The following C14orf132 variants were observed in gnomAD, a reference collection of about 807,000 sequenced individuals.
C14orf132 encodes the protein uncharacterized protein C14orf132.
A neutral mutation model predicts 5.8 loss-of-function variants in C14orf132; 6 were observed. The observed-to-expected ratio is 1.03, with a 90% CI of 0.57 to 2.04. The LOEUF is 2.04. Among genes scored for constraint, C14orf132 ranks in the 30% most tolerant of loss-of-function variants. The probability of loss-of-function intolerance (pLI) is 0.00; values close to 1 mark genes in which losing one functional copy is unlikely to be tolerated. For synonymous variants in C14orf132, 51 were observed against 49.8 expected (o/e 1.02, Z -0.10); for missense variants, 125 against 115.8 (o/e 1.08, Z -0.37).
At chr14:96,046,455 G>T (rs971793796) in intron 1 of C14orf132, among the ~76,000 whole-genome samples, 2 of 152,182 alleles carry the variant, frequency 1.3e-5, no homozygotes, top group African/African-American at 4.8e-5. Context: ...AAGGAGGTAG[G>T]CCATGGCTTT....
At chr14:96,075,482 C>T (rs6575569) in intron 1 of C14orf132, among the ~76,000 whole-genome samples, 83,401 of 151,978 alleles carry the variant, frequency 0.55, 23,453 homozygotes, top group East Asian at 0.9. Context: ...GTTAGACATC[C>T]TCTCGTATTC....
At chr14:96,063,244 C>T (rs1446933162) in intron 1 of C14orf132, among the ~76,000 whole-genome samples, 1 of 152,038 alleles carries the variant, frequency 6.6e-6, no homozygotes, top group Non-Finnish European at 1.5e-5. Flanking sequence ...ATGGAGGTTC[C>T]GTATAAGAAC....
At chr14:96,058,928 A>G (rs1397839512) in intron 1 of C14orf132, among the ~76,000 whole-genome samples, 1 of 152,228 alleles carries the variant, frequency 6.6e-6, no homozygotes, top group Non-Finnish European at 1.5e-5. Flanking sequence ...CGAGAAAGTC[A>G]TGACTGAGCC....
At chr14:96,054,372 T>C (rs528777855) in intron 1 of C14orf132, among the ~76,000 whole-genome samples, 61 of 152,304 alleles carry the variant, frequency 4.0e-4, no homozygotes, top group African/African-American at 1.4e-3. Flanking sequence ...TATGATACGT[T>C]GCCACAAGCC....
chr14:96,063,868 T>G (rs769270390), intron 1 of C14orf132, among the ~76,000 whole-genome samples: 1 of 151,170 alleles, frequency 6.6e-6, no homozygotes, highest in African/African-American at 2.4e-5. Context: ...ATCAAACAAA[T>G]CAGTAATAAA....
At chr14:96,081,997 C>T (rs377689514) in intron 1 of C14orf132, among the ~76,000 whole-genome samples, 54 of 152,288 alleles carry the variant, frequency 3.5e-4, no homozygotes, top group African/African-American at 1.2e-3. Context: ...CCAGGTCACC[C>T]TGTGTTGTCC....
At chr14:96,059,263 C>T (rs555151347) in intron 1 of C14orf132, among the ~76,000 whole-genome samples, 17 of 152,210 alleles carry the variant, frequency 1.1e-4, no homozygotes, top group African/African-American at 2.2e-4. Flanking sequence ...CCAGCCTAGG[C>T]GACAGAATGA....
At chr14:96,079,290 A>G (rs1887964089) in intron 1 of C14orf132, among the ~76,000 whole-genome samples, 1 of 152,202 alleles carries the variant, frequency 6.6e-6, no homozygotes, top group Non-Finnish European at 1.5e-5. Flanking sequence ...TTGGATGGTT[A>G]GTCACTTGCC....
intron 1 of C14orf132, among the ~76,000 whole-genome samples, chr14:96,053,859 A>G (rs1018703826): frequency 6.6e-6 from 1 of 152,206 alleles, no homozygotes; most frequent in African/African-American, 2.4e-5. Context: ...GGAGCACTCC[A>G]GGGAGTCAAG....
At chr14:96,073,151 T>C (rs925068488) in intron 1 of C14orf132, among the ~76,000 whole-genome samples, 1 of 67,318 alleles carries the variant, frequency 1.5e-5, no homozygotes, top group Admixed American at 1.3e-4. Context: ...GAACATCAGG[T>C]TTTTTTTTTA....
At chr14:96,064,369 C>CAT (rs1255125768) in intron 1 of C14orf132, among the ~76,000 whole-genome samples, 57 of 147,582 alleles carry the variant, frequency 3.9e-4, no homozygotes, top group African/African-American at 1.4e-3. Flanking sequence ...TATATACACA[C>CAT]ACACACACAC....
chr14:96,088,882 G>C lies in C14orf132; in HGVS notation c.*2147G>C, dbSNP rs45528638. On this transcript the variant is annotated 3_prime_UTR_variant, in exon 2 of 2. Coordinates refer to ENST00000555004, the MANE Select transcript of C14orf132 (RefSeq NM_001252507.3). ...AGAGGACTCCAGCATCCCAGGCACC[G>C]GGTGCTTCTGGCTGCAGTTTTCCCT... 0.063 allele frequency: 9,609 copies of C among 152,404 alleles called. 304 individuals are homozygous for C. Among genetic ancestry groups the C allele is most frequent in the African/African-American group, 0.078 (3,257 of 41,586 alleles). 9.4% of individuals were successfully genotyped at this position (152,404 alleles called of 1,614,324 possible).
chr14:96,071,709 C>T (rs946187801), intron 1 of C14orf132, among the ~76,000 whole-genome samples: 4 of 152,184 alleles, frequency 2.6e-5, no homozygotes, highest in Admixed American at 6.5e-5. Context: ...CACTCAACCT[C>T]GGGAAGCTGG....
chr14:96,084,832 G>A (rs1471892937), intron 1 of C14orf132, among the ~76,000 whole-genome samples: 1 of 152,160 alleles, frequency 6.6e-6, no homozygotes, highest in African/African-American at 2.4e-5. Flanking sequence ...TAGGAATATA[G>A]GTGCCGAGTG....
At chr14:96,069,189 ATATATG>A in intron 1 of C14orf132, among the ~76,000 whole-genome samples, 1 of 143,342 alleles carries the variant, frequency 7.0e-6, no homozygotes, top group African/African-American at 2.6e-5. Context: ...GTATATATAT[ATATATG>A]TATATATGTT....
intron 1 of C14orf132, among the ~76,000 whole-genome samples, chr14:96,056,780 C>A (rs1048272384): frequency 1.3e-5 from 2 of 152,124 alleles, no homozygotes; most frequent in Non-Finnish European, 2.9e-5. Flanking sequence ...GAGTTGCAGT[C>A]AGAAAACCCC....
intron 1 of C14orf132, among the ~76,000 whole-genome samples, chr14:96,045,979 C>T (rs568089162): frequency 2.0e-5 from 3 of 152,302 alleles, no homozygotes; most frequent in African/African-American, 7.2e-5. Flanking sequence ...GGCCACTCTC[C>T]TCTTGGGATT....
At position 96,090,936 on chromosome 14, in the gene C14orf132, T is replaced by C. The variant is rs1888381029; in HGVS notation, c.*4201T>C. The C allele has an allele frequency of 2.2e-6, 1 of 456,016 alleles. No homozygotes were observed. Among genetic ancestry groups the C allele is most frequent in the South Asian group, 1.5e-5 (1 of 64,570 alleles). The allele number at this position is 456,016 out of a possible 1,614,324, so 28.2% of individuals were successfully genotyped here. A position where few individuals can be genotyped will look rare whatever the true frequency, so the allele number is the denominator to read the frequency against. ...CATCATCTGCCTTCATTATTAGCAG[T>C]AATATTATTCCCAGTTATTATTCTT... On this transcript the variant is annotated 3_prime_UTR_variant, in exon 2 of 2. Transcript: ENST00000555004.
chr14:96,056,532 T>C (rs11160305), intron 1 of C14orf132, among the ~76,000 whole-genome samples: 14,821 of 152,124 alleles, frequency 0.097, 1,010 homozygotes, highest in East Asian at 0.35. Context: ...CTGGGTGACT[T>C]GAGCACATCA....
Sources: allele counts gnomAD v4.1 joint callset (sites outside exome capture counted in the v4.1 genomes callset), GRCh38; gene constraint gnomAD v4.1.1; transcripts MANE v1.5; gene names NCBI Gene and HGNC (gene_info 2026-07-23, HGNC 2026-07-21).